Variants in KCNIP4 observed in about 807,000 individuals in gnomAD.
KCNIP4 encodes the protein potassium voltage-gated channel interacting protein 4, also known as Kv channel-interacting protein 4.
KCNIP4 carries 12 observed loss-of-function variants against 34.0 expected under a neutral mutation model. The ratio of observed to expected loss-of-function variants is 0.35; its 90% CI spans 0.23 to 0.57. The LOEUF is 0.57. Ranked by LOEUF, KCNIP4 falls within the 20% of genes least tolerant of loss-of-function variation. KCNIP4 has a pLI of 0.83. For synonymous variants in KCNIP4, 124 were observed against 102.2 expected, an observed-to-expected ratio of 1.21 and a Z score of -1.29; for missense variants, 238 against 311.7, an observed-to-expected ratio of 0.76 and a Z score of 1.78.
At chr4:21,396,107 T>C (rs1433926667) in intron 1 of KCNIP4, among the ~76,000 whole-genome samples, 3 of 151,142 alleles carry the variant, frequency 2.0e-5, no homozygotes, top group South Asian at 2.1e-4. Context: ...GTCTCCTATA[T>C]ATAGTCTATA....
chr4:21,534,244 T>C (rs950114400), intron 1 of KCNIP4, among the ~76,000 whole-genome samples: 1 of 152,142 alleles, frequency 6.6e-6, no homozygotes, highest in Non-Finnish European at 1.5e-5. Context: ...GACAAATATA[T>C]TGCTTGTGGA....
Position 20,947,937 on chromosome 4 carries a change from A to G in KCNIP4, c.62-65228T>C, listed in dbSNP as rs137904337. Among the ~76,000 whole-genome samples, 593 of 152,306 alleles carry G rather than the reference A, an allele frequency of 3.9e-3. 7 individuals carry two copies. The highest frequency in any genetic ancestry group is 0.014 in the African/African-American group (569 of 41,572). ...TTCCAACTCATCACTGATTAATGGT[A>G]TGGTCCCTTTCAATCTCTCTGAGCC... On this transcript the variant is annotated intron_variant, in intron 1 of 8. Coordinates refer to ENST00000382152, the MANE Select transcript of KCNIP4 (RefSeq NM_025221.6).
Position 21,024,422 on chromosome 4 carries a change from T to C in KCNIP4, c.62-141713A>G, listed in dbSNP as rs140872349. On this transcript the variant is annotated intron_variant, in intron 1 of 8. Transcript: ENST00000382152. ...AAATGTTTAATTATATTTAGTACCA[T>C]GTTTTATGAAGTCATTTTATTCTTG... 8.1e-3 allele frequency among the ~76,000 whole-genome samples: 1,231 copies of C among 152,320 alleles called. 18 individuals are homozygous for C. Among genetic ancestry groups the C allele is most frequent in the African/African-American group, 0.028 (1,173 of 41,566 alleles).
rs573245092 is a variant in KCNIP4, at chr4:21,347,959, C to T, written c.62-465250G>A. Among the ~76,000 whole-genome samples the T allele has an allele frequency of 2.6e-5, 4 of 152,292 alleles. No individual in the cohort carries two copies. In the South Asian group the frequency reaches 8.3e-4, roughly 32 times the overall value. Reference sequence around the variant, plus strand: ...ACTGGGCACACAGCAATAACAAGTTCTCAGTGATGTAGACTTAGGAGTCAT... The same window carrying T: ...ACTGGGCACACAGCAATAACAAGTTTTCAGTGATGTAGACTTAGGAGTCAT... On this transcript the variant is annotated intron_variant, in intron 1 of 8. Coordinates refer to ENST00000382152, the MANE Select transcript of KCNIP4 (RefSeq NM_025221.6).
intron 1 of KCNIP4, among the ~76,000 whole-genome samples, chr4:21,062,000 C>G (rs892546346): frequency 6.6e-6 from 1 of 152,270 alleles, no homozygotes; most frequent in African/African-American, 2.4e-5. Flanking sequence ...ACATCTTGAT[C>G]TTTGACTTCC....
chr4:21,764,634 C>T (rs1406442610), intron 1 of KCNIP4, among the ~76,000 whole-genome samples: 1 of 152,086 alleles, frequency 6.6e-6, no homozygotes, highest in Non-Finnish European at 1.5e-5. Context: ...GATGGCTTTG[C>T]TCTTTAATAC....
At chr4:21,673,814 A>G (rs1749677608) in intron 1 of KCNIP4, among the ~76,000 whole-genome samples, 2 of 152,310 alleles carry the variant, frequency 1.3e-5, no homozygotes, top group South Asian at 4.1e-4. Flanking sequence ...TGATTTCAGG[A>G]TAAGTATTAA....
At chr4:21,885,333 T>A (rs531636956) in intron 1 of KCNIP4, among the ~76,000 whole-genome samples, 210 of 152,246 alleles carry the variant, frequency 1.4e-3, no homozygotes, top group Non-Finnish European at 2.2e-3. Flanking sequence ...ATTGTTCTAT[T>A]CGTGAAAAAA....
chr4:20,742,500 T>G (rs2149309064), intron 5 of KCNIP4, among the ~76,000 whole-genome samples: 1 of 152,274 alleles, frequency 6.6e-6, no homozygotes, highest in Non-Finnish European at 1.5e-5. Context: ...AGAAGAGGCC[T>G]TTGACAATAT....
intron 1 of KCNIP4, among the ~76,000 whole-genome samples, chr4:21,804,438 GC>G: frequency 6.6e-6 from 1 of 152,284 alleles, no homozygotes; most frequent in East Asian, 1.9e-4. Context: ...TTACAACCAA[GC>G]CAGCTCAGTT....
chr4:21,426,663 G>A (rs753737352), intron 1 of KCNIP4, among the ~76,000 whole-genome samples: 7 of 151,784 alleles, frequency 4.6e-5, no homozygotes, highest in South Asian at 2.1e-4. Context: ...ATTAAACATC[G>A]TTTAAGGGAA....
chr4:20,780,041 G>C (rs985865739), intron 3 of KCNIP4, among the ~76,000 whole-genome samples: 4 of 152,174 alleles, frequency 2.6e-5, no homozygotes, highest in Admixed American at 6.5e-5. Flanking sequence ...ATGCATGATT[G>C]TAGGACATGG....
chr4:21,666,249 C>T (rs1456554378), intron 1 of KCNIP4, among the ~76,000 whole-genome samples: 1 of 152,186 alleles, frequency 6.6e-6, no homozygotes, highest in Admixed American at 6.5e-5. Context: ...AGTGGGACAG[C>T]TTGATGAGAA....
At chr4:21,808,843 G>T (rs1408787177) in intron 1 of KCNIP4, among the ~76,000 whole-genome samples, 1 of 152,164 alleles carries the variant, frequency 6.6e-6, no homozygotes, top group African/African-American at 2.4e-5. Flanking sequence ...AGCACTAGAA[G>T]AGAGGAGCTA....
chr4:21,207,494 T>C (rs1216321949), intron 1 of KCNIP4, among the ~76,000 whole-genome samples: 1 of 152,242 alleles, frequency 6.6e-6, no homozygotes, highest in African/African-American at 2.4e-5. Flanking sequence ...CACACTTATG[T>C]ACATGTCTGC....
chr4:20,894,952 C>G (rs1339812468), intron 1 of KCNIP4, among the ~76,000 whole-genome samples: 1 of 152,184 alleles, frequency 6.6e-6, no homozygotes, highest in African/African-American at 2.4e-5. Context: ...ATTATTTAAC[C>G]TTCACAAGAG....
intron 1 of KCNIP4, among the ~76,000 whole-genome samples, chr4:21,790,567 A>G (rs903561964): frequency 5.9e-5 from 9 of 151,910 alleles, no homozygotes; most frequent in African/African-American, 1.7e-4. Context: ...GTTTTGTATT[A>G]TATTTCTATT....
chr4:21,131,783 T>C (rs1466334961), intron 1 of KCNIP4, among the ~76,000 whole-genome samples: 2 of 152,244 alleles, frequency 1.3e-5, no homozygotes, highest in Admixed American at 6.5e-5. Context: ...ATATGTATAC[T>C]TTTCTGTATA....
intron 1 of KCNIP4, among the ~76,000 whole-genome samples, chr4:21,589,410 G>T (rs2125967): frequency 6.8e-6 from 1 of 147,368 alleles, no homozygotes; most frequent in South Asian, 2.1e-4. Context: ...TAAGGCAAGG[G>T]TTCTAGAGAA....
Sources: allele counts gnomAD v4.1 joint callset (sites outside exome capture counted in the v4.1 genomes callset), GRCh38; gene constraint gnomAD v4.1.1; transcripts MANE v1.5; gene names NCBI Gene and HGNC (gene_info 2026-07-23, HGNC 2026-07-21).